SCAP: variants seen among roughly 807,000 people sequenced by gnomAD.
The protein encoded by SCAP is SREBF chaperone.
Under a neutral mutation model 123.6 loss-of-function variants are expected in SCAP, and 65 were observed. That is an observed-to-expected ratio of 0.53 (90% confidence interval 0.43 to 0.65). The LOEUF is 0.65. Among genes scored for constraint, SCAP ranks in the 30% least tolerant of loss-of-function variants. The pLI is 0.00. For synonymous variants in SCAP, 740 were observed against 726.3 expected (o/e 1.02, Z -0.30); for missense variants, 1,398 against 1,712.5 (o/e 0.82, Z 3.24).
chr3:47,462,764 AAAAAAAAAAAG>A (rs1440381810), intron 1 of SCAP, among the ~76,000 whole-genome samples: 6 of 151,504 alleles, frequency 4.0e-5, no homozygotes, highest in African/African-American at 1.2e-4. Context: ...AAAAAAAAAA[AAAAAAAAAAAG>A]AAAGAAAGAA....
intron 1 of SCAP, among the ~76,000 whole-genome samples, chr3:47,450,973 T>C (rs1411746332): frequency 1.7e-5 from 2 of 120,594 alleles, no homozygotes; most frequent in Non-Finnish European, 3.6e-5. Flanking sequence ...CAGCTTCCCG[T>C]GTAGCTAGGA....
At chr3:47,443,487 G>A (rs1054474183) in intron 1 of SCAP, among the ~76,000 whole-genome samples, 1 of 151,974 alleles carries the variant, frequency 6.6e-6, no homozygotes, top group Admixed American at 6.6e-5. Context: ...AAATCCCACT[G>A]AGAAAAGTCC....
At chr3:47,421,964 C>G (rs1408586732) in intron 10 of SCAP, among the ~76,000 whole-genome samples, 3 of 152,266 alleles carry the variant, frequency 2.0e-5, no homozygotes, top group East Asian at 3.8e-4. Context: ...GGTGGCCCTC[C>G]CACTGGTCAG....
At position 47,418,480 on chromosome 3, in the gene SCAP, C is replaced by G; in HGVS notation, c.2172G>C (p.Leu724=). ...GCACGCGGTAGAGGCAGAGCAGCAG[C>G]AGCACCAAGACGATGCCGGTGGCCA... ...LGLATGIVLV[L]LLLCLYRVLC... is the part of the protein sequence containing the mutation. Residue 724 remains leucine (L), a synonymous_variant, in exon 15 of 23, where the codon CTG becomes CTC. Transcript: ENST00000265565. 6.2e-7 allele frequency: 1 copy of G among 1,600,944 alleles called. No individual in the cohort carries two copies. The highest frequency in any genetic ancestry group is 8.5e-7 in the Non-Finnish European group (1 of 1,175,602).
intron 18 of SCAP, among the ~76,000 whole-genome samples, chr3:47,416,383 A>G (rs920595592): frequency 5.9e-5 from 9 of 152,254 alleles, no homozygotes; most frequent in Non-Finnish European, 1.3e-4. Flanking sequence ...GGGAGAGCAG[A>G]GAACAGCTGC....
At chr3:47,469,860 G>A in intron 1 of SCAP, 1 of 569,076 alleles carries the variant, frequency 1.8e-6, no homozygotes, top group South Asian at 1.4e-5. Context: ...ATAGTGCAAA[G>A]AGAGCTCTCA....
At chr3:47,454,369 A>C (rs1050880329) in intron 1 of SCAP, among the ~76,000 whole-genome samples, 5 of 151,174 alleles carry the variant, frequency 3.3e-5, no homozygotes, top group South Asian at 4.2e-4. Context: ...CTCCGTCACA[A>C]AAAAAAAAGA....
intron 2 of SCAP, among the ~76,000 whole-genome samples, chr3:47,438,196 T>C (rs1177500813): frequency 6.6e-6 from 1 of 152,254 alleles, no homozygotes; most frequent in Non-Finnish European, 1.5e-5. Flanking sequence ...CTTTTGACAA[T>C]ACCATGTTTT....
chr3:47,445,121 T>C (rs1019293400), intron 1 of SCAP, among the ~76,000 whole-genome samples: 8 of 152,150 alleles, frequency 5.3e-5, no homozygotes, highest in African/African-American at 1.7e-4. Flanking sequence ...GTATGCCACA[T>C]TTTGTTTGTC....
intron 1 of SCAP, among the ~76,000 whole-genome samples, chr3:47,447,874 G>A (rs959777518): frequency 9.2e-5 from 14 of 151,494 alleles, no homozygotes; most frequent in African/African-American, 2.2e-4. Context: ...GCATGGTGGC[G>A]TGTGCCTGTA....
intron 18 of SCAP, among the ~76,000 whole-genome samples, chr3:47,415,534 G>A (rs1160350805): frequency 6.6e-6 from 1 of 152,184 alleles, no homozygotes; most frequent in African/African-American, 2.4e-5. Context: ...AGGGAGGGCT[G>A]CTGAGGGGAA....
chr3:47,442,984 T>C lies in SCAP; in HGVS notation c.10A>G (p.Thr4Ala), dbSNP rs1234432067. 1 of 1,613,832 alleles carries C rather than the reference T, an allele frequency of 6.2e-7. No homozygotes were observed. Among genetic ancestry groups the C allele is most frequent in the Admixed American group, 1.7e-5 (1 of 60,002 alleles). ...GATATCTTCTCACGCAGCCTTTCAG[T>C]CAGGGTCATCCTCAGCCGAAGTCAC... is the stretch of plus-strand genomic sequence containing the variant. MTL[T>A]ERLREKISRA... is the part of the protein sequence containing the mutation. The change falls in exon 2 of 23, where the codon ACT becomes GCT. Residue 4 changes from threonine to alanine, a missense_variant. Thr to Ala is a moderately conservative substitution (Grantham distance 58). Transcript: ENST00000265565.
rs781191305 is a variant in SCAP at position 47,417,130 on chromosome 3, C to T, written c.3048G>A (p.Leu1016=). The T allele has an allele frequency of 1.9e-6, 3 of 1,613,048 alleles. 1 individual carries two copies. Among genetic ancestry groups the T allele is most frequent in the South Asian group, 1.1e-5 (1 of 91,076 alleles). ...VSSGITALVF[L]DKRIVAARLN... is the part of the protein sequence containing the mutation. Reference sequence around the variant, plus strand: ...AGGCAGGCCACGCTCACCTTTTGTCCAAGAACACCAGAGCGGTAATGCCTG... The same window carrying T: ...AGGCAGGCCACGCTCACCTTTTGTCTAAGAACACCAGAGCGGTAATGCCTG... Residue 1016 remains leucine (L), a synonymous_variant, in exon 18 of 23, where the codon TTG becomes TTA. Transcript: ENST00000265565.
At chr3:47,432,067 C>A (rs948269127) in intron 3 of SCAP, among the ~76,000 whole-genome samples, 3 of 152,126 alleles carry the variant, frequency 2.0e-5, no homozygotes, top group Admixed American at 1.3e-4. Flanking sequence ...GTAATCCCAG[C>A]ACTTTGGGAG....
In SCAP at chr3:47,418,409, C is replaced by A; in HGVS notation, c.2243G>T (p.Arg748Leu). 6.3e-7 allele frequency: 1 copy of A among 1,576,600 alleles called. No homozygotes were observed. Among genetic ancestry groups the A allele is most frequent in the East Asian group, 2.3e-5 (1 of 43,180 alleles). ...GTCGCAGGGCAGCTCCCCGCGCCTC[C>A]GCCGCCCGGGCCCACCACCCAGCTG... ...YGQLGGGPGR[R>L]RRGELPCDDY... Residue 748 changes from arginine to leucine, a missense_variant, in exon 15 of 23, where the codon CGG becomes CTG. This residue lies in a region of SCAP where 828 missense variants were observed against 882.5 expected (regional missense o/e 0.94). Transcript: ENST00000265565.
At chr3:47,415,351 T>C (rs990663935) in intron 18 of SCAP, among the ~76,000 whole-genome samples, 171 bp from the exon 19 acceptor site, 1 of 152,174 alleles carries the variant, frequency 6.6e-6, no homozygotes, top group Non-Finnish European at 1.5e-5. Context: ...CAACTCCAAA[T>C]ATTAACCACC....
Position 47,422,556 on chromosome 3 carries a change from G to A in SCAP, c.1151-20C>T. ...TTAGGCCTGCAGAGGGCAGCAACAG[G>A]GCACAGGGCAACACATGGCCACTCT... is the stretch of plus-strand genomic sequence containing the variant. On this transcript the variant is annotated intron_variant, in intron 9 of 22. Transcript: ENST00000265565. The A allele has an allele frequency of 5.0e-6, 8 of 1,595,504 alleles. No individual in the cohort carries two copies. The highest frequency in any genetic ancestry group is 5.1e-6 in the Non-Finnish European group (6 of 1,166,314).
chr3:47,435,866 T>C (rs1276102138), intron 2 of SCAP, among the ~76,000 whole-genome samples: 8 of 151,964 alleles, frequency 5.3e-5, no homozygotes, highest in South Asian at 2.1e-4. Context: ...CTGGACAACA[T>C]AGTGAGACCT....
At position 47,435,031 on chromosome 3, in the gene SCAP, C is replaced by T; in HGVS notation, c.229G>A (p.Glu77Lys). The T allele has an allele frequency of 6.2e-7, 1 of 1,614,188 alleles. No homozygotes were observed. Among genetic ancestry groups the T allele is most frequent in the African/African-American group, 1.3e-5 (1 of 75,046 alleles). Reference protein sequence around the residue: ...PPVDSDRKQGEPTEQPEWYVG... With the variant: ...PPVDSDRKQGKPTEQPEWYVG... Reference sequence around the variant, plus strand: ...ACCCACTCAGGCTGCTCAGTAGGCTCTCCTTGTTTGCGGTCAGAGTCCACA... The same window carrying T: ...ACCCACTCAGGCTGCTCAGTAGGCTTTCCTTGTTTGCGGTCAGAGTCCACA... Residue 77 changes from glutamate (E) to lysine (K), a missense_variant, in exon 3 of 23, where the codon GAG becomes AAG. Coordinates refer to ENST00000265565, the MANE Select transcript of SCAP (RefSeq NM_012235.4).
Sources: gnomAD v4.1 joint callset for allele counts (sites outside exome capture counted in the v4.1 genomes callset) on GRCh38, gnomAD v4.1.1 for gene constraint, gnomAD v4.1.1 regional missense constraint, MANE v1.5 for transcripts, NCBI Gene and HGNC (gene_info 2026-07-23, HGNC 2026-07-21) for gene names.